The following PRUNE2 variants were observed in gnomAD, a reference collection of about 807,000 sequenced individuals.
PRUNE2 encodes prune homolog 2 with BCH domain.
A neutral mutation model predicts 252.0 loss-of-function variants in PRUNE2; 164 were observed. That is an observed-to-expected ratio of 0.65 (90% confidence interval 0.57 to 0.74). PRUNE2 has a LOEUF of 0.74. Among genes scored for constraint, PRUNE2 ranks in the 30% least tolerant of loss-of-function variants. The pLI is 0.00. For synonymous variants in PRUNE2, 1,292 were observed against 1,350.2 expected (o/e 0.96, Z 0.94); for missense variants, 3,495 against 3,711.0 (o/e 0.94, Z 1.51).
intron 6 of PRUNE2, among the ~76,000 whole-genome samples, chr9:76,773,306 C>A (rs2053317468): frequency 2.0e-5 from 3 of 152,094 alleles, no homozygotes; most frequent in Non-Finnish European, 4.4e-5. Flanking sequence ...TTTCTGTAAA[C>A]CCTGGGAGAA....
chr9:76,882,259 C>G (rs12001271), intron 1 of PRUNE2, among the ~76,000 whole-genome samples: 1 of 151,912 alleles, frequency 6.6e-6, no homozygotes, highest in Non-Finnish European at 1.5e-5. Context: ...GAGGCAACTC[C>G]CCCAAATACT....
chr9:76,767,560 T>G (rs1311969604), intron 6 of PRUNE2, among the ~76,000 whole-genome samples: 2 of 152,194 alleles, frequency 1.3e-5, no homozygotes, highest in African/African-American at 4.8e-5. Context: ...GAAAAAGAAC[T>G]ATTTTCCAGA....
intron 6 of PRUNE2, among the ~76,000 whole-genome samples, chr9:76,799,372 C>T (rs899966129): frequency 6.6e-6 from 1 of 151,396 alleles, no homozygotes; most frequent in African/African-American, 2.4e-5. Context: ...CAGTGATTTT[C>T]CAATGAGTGT....
chr9:76,802,437 C>A (rs2056628038), intron 6 of PRUNE2, among the ~76,000 whole-genome samples: 1 of 152,162 alleles, frequency 6.6e-6, no homozygotes, highest in African/African-American at 2.4e-5. Context: ...CAGCTCCATA[C>A]ATCATTTATT....
At chr9:76,649,960 C>T (rs1057328401) in intron 11 of PRUNE2, among the ~76,000 whole-genome samples, 4 of 151,312 alleles carry the variant, frequency 2.6e-5, no homozygotes, top group Non-Finnish European at 5.9e-5. Context: ...TAGAGTCTCC[C>T]GCAAGTCAGG....
At position 76,711,377 on chromosome 9, in the gene PRUNE2, A is replaced by C; in HGVS notation, c.916-19T>G. 1 of 1,574,888 alleles carries C rather than the reference A, an allele frequency of 6.3e-7. No individual in the cohort carries two copies. The highest frequency in any genetic ancestry group is 1.1e-5 in the South Asian group (1 of 87,164). The stretch of plus-strand genomic sequence containing the variant: ...AGCAAATCTGTCGGAAGGCACAGGA[A>C]TTTGTGTCAGCACTCAAGCACTGTT... On this transcript the variant is annotated intron_variant, in intron 7 of 18. Transcript: ENST00000376718.
Position 76,844,484 on chromosome 9 carries a change from G to A in PRUNE2, c.508+2031C>T, listed in dbSNP as rs1441385438. ...TATGCTTTTCCTACAGCCTACAGAA[G>A]CATGAGTGAAATAAACCTCTTTCTA... On this transcript the variant is annotated intron_variant, in intron 4 of 18. Coordinates refer to ENST00000376718, the MANE Select transcript of PRUNE2 (RefSeq NM_015225.3). Among the ~76,000 whole-genome samples the A allele has an allele frequency of 9.9e-5, 15 of 152,170 alleles. 1 individual carries two copies. Among genetic ancestry groups the A allele is most frequent in the Admixed American group, 9.8e-4 (15 of 15,278 alleles).
intron 17 of PRUNE2, among the ~76,000 whole-genome samples, chr9:76,623,683 C>A (rs953695604): frequency 6.6e-6 from 1 of 152,164 alleles, no homozygotes; most frequent in East Asian, 1.9e-4. Context: ...GAAAAGACAA[C>A]CTCAATATTA....
intron 6 of PRUNE2, among the ~76,000 whole-genome samples, chr9:76,729,240 C>T (rs775462092): frequency 1.2e-4 from 18 of 152,166 alleles, no homozygotes; most frequent in African/African-American, 4.1e-4. Context: ...CAAACTTTAG[C>T]TGAACTCATG....
rs1254366922 is a variant in PRUNE2 at position 76,627,065 on chromosome 9, T to C, written c.9149+2127A>G. ...AAGAGAGAATGTCCTTGTCATCTTATAGAATGTGAGTGTTTCCATACTTCT... is the reference window on the plus strand; with the variant it reads ...AAGAGAGAATGTCCTTGTCATCTTACAGAATGTGAGTGTTTCCATACTTCT... On this transcript the variant is annotated intron_variant, in intron 16 of 18. Transcript: ENST00000376718. 2.0e-5 allele frequency among the ~76,000 whole-genome samples: 3 copies of C among 151,816 alleles called. No individual in the cohort carries two copies. The East Asian group carries it at 5.8e-4, about 29-fold the overall frequency.
intron 16 of PRUNE2, among the ~76,000 whole-genome samples, chr9:76,628,715 C>CACA (rs1233920331): frequency 6.6e-6 from 1 of 152,108 alleles, no homozygotes; most frequent in African/African-American, 2.4e-5. Context: ...TCTAAAAGAA[C>CACA]ACAACAATTA....
At chr9:76,615,407 T>C (rs1470818849) in intron 18 of PRUNE2, among the ~76,000 whole-genome samples, 1 of 152,246 alleles carries the variant, frequency 6.6e-6, no homozygotes, top group Non-Finnish European at 1.5e-5. Flanking sequence ...CAAAGGTTAC[T>C]GTGCTTTACT....
chr9:76,753,372 A>G (rs2050799781), intron 6 of PRUNE2, among the ~76,000 whole-genome samples: 1 of 152,132 alleles, frequency 6.6e-6, no homozygotes, highest in African/African-American at 2.4e-5. Context: ...TGCAATTTAT[A>G]TGAAACTTAC....
At chr9:76,805,261 C>T (rs900175611) in intron 6 of PRUNE2, among the ~76,000 whole-genome samples, 2 of 152,260 alleles carry the variant, frequency 1.3e-5, no homozygotes, top group Admixed American at 1.3e-4. Flanking sequence ...TGTCCTAGCC[C>T]GACTCCTACC....
At chr9:76,820,794 T>C (rs2057994178) in intron 6 of PRUNE2, among the ~76,000 whole-genome samples, 1 of 152,122 alleles carries the variant, frequency 6.6e-6, no homozygotes, top group Non-Finnish European at 1.5e-5. Flanking sequence ...AAGAAACTGG[T>C]TGGGAGAGGA....
chr9:76,761,238 T>C (rs926141967), intron 6 of PRUNE2, among the ~76,000 whole-genome samples: 1 of 152,178 alleles, frequency 6.6e-6, no homozygotes, highest in Non-Finnish European at 1.5e-5. Flanking sequence ...TTCTTCCTCC[T>C]CCACCATTGG....
chr9:76,901,351 C>A (rs1427815573), intron 1 of PRUNE2, among the ~76,000 whole-genome samples: 4 of 152,150 alleles, frequency 2.6e-5, no homozygotes, highest in African/African-American at 9.7e-5. Flanking sequence ...GTCTCAAGAG[C>A]ACCTGCCCTG....
chr9:76,834,178 C>G (rs888689632), intron 4 of PRUNE2, among the ~76,000 whole-genome samples: 2 of 152,004 alleles, frequency 1.3e-5, no homozygotes, highest in Non-Finnish European at 2.9e-5. Context: ...CCACCGTGCC[C>G]GGCCCCAAGA....
Position 76,709,552 on chromosome 9 carries a change from T to C in PRUNE2, c.2722A>G (p.Thr908Ala). The change falls in exon 8 of 19, where the codon ACT becomes GCT. Residue 908 changes from threonine (T) to alanine (A), a missense_variant. By Grantham distance (58) the Thr-to-Ala change is moderately conservative. Transcript: ENST00000376718. ...EDQNGLVDPK[T>A]RGKVYEKVDS... ...ACCTTTTCATATACCTTGCCCCTAG[T>C]TTTAGGATCCACTAAACCATTCTGA... The C allele has an allele frequency of 6.2e-7, 1 of 1,613,986 alleles. No individual in the cohort carries two copies.
Sources: gnomAD v4.1 joint callset for allele counts (sites outside exome capture counted in the v4.1 genomes callset) on GRCh38, gnomAD v4.1.1 for gene constraint, MANE v1.5 for transcripts, NCBI Gene and HGNC (gene_info 2026-07-23, HGNC 2026-07-21) for gene names.